TMCC1: variants seen among roughly 807,000 people sequenced by gnomAD.
TMCC1 encodes the protein transmembrane and coiled-coil domains protein 1.
Under a neutral mutation model 52.4 loss-of-function variants are expected in TMCC1, and 15 were observed. The observed-to-expected ratio is 0.29, with a 90% CI of 0.19 to 0.44. The LOEUF (loss-of-function observed/expected upper bound fraction) is 0.44. Ranked by LOEUF, TMCC1 falls within the 20% of genes least tolerant of loss-of-function variation. The pLI is 1.00. For synonymous variants in TMCC1, 279 were observed against 301.9 expected (o/e 0.92, Z 0.79); for missense variants, 503 against 806.0 (o/e 0.62, Z 4.55).
At chr3:129,723,859 ACCAG>A (rs1379641207) in intron 4 of TMCC1, among the ~76,000 whole-genome samples, 1 of 151,866 alleles carries the variant, frequency 6.6e-6, no homozygotes, top group African/African-American at 2.4e-5. Context: ...TGTCTATTCA[ACCAG>A]CCCCCACTTA....
chr3:129,720,387 A>T (rs1357249494), intron 4 of TMCC1, among the ~76,000 whole-genome samples: 1 of 152,182 alleles, frequency 6.6e-6, no homozygotes, highest in Non-Finnish European at 1.5e-5. Flanking sequence ...TCTCCAGCAC[A>T]CTTTACATCT....
chr3:129,658,476 A>C (rs796887555), intron 5 of TMCC1, among the ~76,000 whole-genome samples: 7 of 152,358 alleles, frequency 4.6e-5, no homozygotes, highest in African/African-American at 1.4e-4. Context: ...CTGTCTGTAC[A>C]ACAACATGTA....
chr3:129,857,803 G>A (rs2107921794), intron 2 of TMCC1, among the ~76,000 whole-genome samples: 1 of 151,986 alleles, frequency 6.6e-6, no homozygotes, highest in Admixed American at 6.5e-5. Context: ...GATGTCATGA[G>A]CCGCCCGCCT....
At chr3:129,852,484 A>C (rs1331742588) in intron 2 of TMCC1, among the ~76,000 whole-genome samples, 18 of 150,600 alleles carry the variant, frequency 1.2e-4, no homozygotes, top group African/African-American at 4.4e-4. Flanking sequence ...AAAAAAAAGG[A>C]AGAAAATTCT....
chr3:129,727,095 GTTTT>G (rs2050168462), intron 4 of TMCC1, among the ~76,000 whole-genome samples: 2 of 151,634 alleles, frequency 1.3e-5, no homozygotes, highest in East Asian at 3.9e-4. Context: ...ATACCAATCT[GTTTT>G]TTTATGTCAC....
chr3:129,854,345 G>A (rs957122272), intron 2 of TMCC1, among the ~76,000 whole-genome samples: 11 of 148,908 alleles, frequency 7.4e-5, no homozygotes, highest in Non-Finnish European at 1.3e-4. Context: ...GCAAGATCAC[G>A]CCACCACACT....
chr3:129,831,019 CTG>C (rs2058883890), intron 3 of TMCC1, among the ~76,000 whole-genome samples: 1 of 152,188 alleles, frequency 6.6e-6, no homozygotes, highest in Non-Finnish European at 1.5e-5. Flanking sequence ...ACTGCAGCCT[CTG>C]CCTCCTGGGT....
chr3:129,857,981 G>T lies in TMCC1; in HGVS notation c.-184+22328C>A, dbSNP rs371771973. On this transcript the variant is annotated intron_variant, in intron 2 of 6. Coordinates refer to ENST00000393238, the MANE Select transcript of TMCC1 (RefSeq NM_001017395.5). ...AATGACCCTAAATGGCATGCTGAAG[G>T]TCACACAGCCAGCAGGCAGAAAAGC... Among the ~76,000 whole-genome samples, 7 of 152,314 alleles carry T rather than the reference G, an allele frequency of 4.6e-5. No homozygotes were observed. In the East Asian group the frequency reaches 1.3e-3, roughly 29 times the overall value.
At chr3:129,713,449 T>C (rs1452698028) in intron 4 of TMCC1, among the ~76,000 whole-genome samples, 1 of 152,010 alleles carries the variant, frequency 6.6e-6, no homozygotes, top group Non-Finnish European at 1.5e-5. Context: ...AAATGATAAA[T>C]GTAAATGCAA....
intron 2 of TMCC1, among the ~76,000 whole-genome samples, chr3:129,836,439 G>T (rs982452729): frequency 6.6e-6 from 1 of 152,120 alleles, no homozygotes; most frequent in Non-Finnish European, 1.5e-5. Flanking sequence ...TACAAAAATT[G>T]ACCATATGTT....
intron 2 of TMCC1, among the ~76,000 whole-genome samples, chr3:129,859,830 T>C (rs941569585): frequency 1.3e-5 from 2 of 152,200 alleles, no homozygotes; most frequent in African/African-American, 4.8e-5. Flanking sequence ...TCCCTCTTCA[T>C]AGTGCCTGAC....
At chr3:129,661,166 T>C (rs948384844) in intron 5 of TMCC1, among the ~76,000 whole-genome samples, 2 of 152,178 alleles carry the variant, frequency 1.3e-5, no homozygotes, top group African/African-American at 2.4e-5. Context: ...AGCAGCTAAA[T>C]AGCAAAGCAG....
At chr3:129,757,171 T>C (rs141360640) in intron 4 of TMCC1, among the ~76,000 whole-genome samples, 3 of 152,302 alleles carry the variant, frequency 2.0e-5, no homozygotes, top group African/African-American at 7.2e-5. Context: ...TCACTCCTGT[T>C]TTCTTTAACT....
intron 4 of TMCC1, among the ~76,000 whole-genome samples, chr3:129,726,727 A>G (rs1380382378): frequency 2.0e-5 from 3 of 151,264 alleles, no homozygotes; most frequent in African/African-American, 7.3e-5. Flanking sequence ...AAAAATACAA[A>G]AATTAGCTGG....
At chr3:129,843,911 C>CA (rs11391229) in intron 2 of TMCC1, among the ~76,000 whole-genome samples, 108,644 of 135,520 alleles carry the variant, frequency 0.8, 43,982 homozygotes, top group East Asian at 0.98. Context: ...CAGACACTAC[C>CA]AAAAAAAAAA....
intron 2 of TMCC1, among the ~76,000 whole-genome samples, chr3:129,846,290 G>A (rs1349078644): frequency 6.6e-6 from 1 of 152,162 alleles, no homozygotes; most frequent in African/African-American, 2.4e-5. Flanking sequence ...GGAGGCTGAG[G>A]TGGGAGGATC....
intron 2 of TMCC1, among the ~76,000 whole-genome samples, chr3:129,874,400 C>T (rs2061085335): frequency 1.3e-5 from 2 of 152,260 alleles, no homozygotes; most frequent in South Asian, 4.1e-4. Flanking sequence ...CTTACGGCAT[C>T]TAAGAATCTA....
At position 129,833,368 on chromosome 3, in the gene TMCC1, T is replaced by G. The variant is rs191320143; in HGVS notation, c.-183-542A>C. ...GGAAGATCATCTGAGCCCAGGAATT[T>G]GAGATCAGCCTGGGCAACAGTGACA... On this transcript the variant is annotated intron_variant, in intron 2 of 6. Coordinates refer to ENST00000393238, the MANE Select transcript of TMCC1 (RefSeq NM_001017395.5). Among the ~76,000 whole-genome samples the G allele has an allele frequency of 9.2e-5, 14 of 152,122 alleles. No homozygotes were observed. The East Asian group carries it at 2.3e-3, about 25-fold the overall frequency.
chr3:129,891,357 G>A (rs182287838), intron 1 of TMCC1, among the ~76,000 whole-genome samples: 9 of 152,268 alleles, frequency 5.9e-5, no homozygotes, highest in African/African-American at 1.4e-4. Context: ...TAAATGGCTA[G>A]GGGAAAATAT....
Sources: allele counts gnomAD v4.1 joint callset (sites outside exome capture counted in the v4.1 genomes callset), GRCh38; gene constraint gnomAD v4.1.1; transcripts MANE v1.5; gene names NCBI Gene and HGNC (gene_info 2026-07-23, HGNC 2026-07-21).